The following TAF4 variants were observed in gnomAD, a reference collection of about 807,000 sequenced individuals.
TAF4 encodes the protein TATA-box binding protein associated factor 4.
Under a neutral mutation model 90.3 loss-of-function variants are expected in TAF4, and 9 were observed. The ratio of observed to expected loss-of-function variants is 0.10; its 90% CI spans 0.06 to 0.17. The LOEUF (loss-of-function observed/expected upper bound fraction) is 0.17, where lower values mean the gene tolerates loss of function less well. Ranked by LOEUF, TAF4 falls within the 10% of genes least tolerant of loss-of-function variation. The pLI is 1.00. For missense variants in TAF4, 1,351 were observed against 1,370.7 expected (o/e 0.99, Z 0.23); for synonymous variants, 818 against 638.9 (o/e 1.28, Z -4.23).
chr20:62,035,771 G>A (rs955069218), intron 1 of TAF4, among the ~76,000 whole-genome samples: 1 of 152,120 alleles, frequency 6.6e-6, no homozygotes, highest in Non-Finnish European at 1.5e-5. Context: ...GAAAAGATCA[G>A]ATATAAACTG....
chr20:62,056,864 T>C (rs2056067458), intron 1 of TAF4, among the ~76,000 whole-genome samples: 1 of 152,224 alleles, frequency 6.6e-6, no homozygotes, highest in Non-Finnish European at 1.5e-5. Context: ...TTTTTTACAC[T>C]TACAGTTACA....
At position 62,048,817 on chromosome 20, in the gene TAF4, C is replaced by G. The variant is rs534113120; in HGVS notation, c.1360+15634G>C. ...CACCTCAGTCACCAAGCTCCGTACA[C>G]CCCAAGCTCCGTACACCCCCACCCC... On this transcript the variant is annotated intron_variant, in intron 1 of 14. Coordinates refer to ENST00000252996, the MANE Select transcript of TAF4 (RefSeq NM_003185.4). 4.8e-4 allele frequency among the ~76,000 whole-genome samples: 72 copies of G among 149,366 alleles called. 2 individuals are homozygous for G. The South Asian group carries it at 0.015, about 31-fold the overall frequency.
chr20:62,006,574 G>T lies in TAF4; in HGVS notation c.2159C>A (p.Pro720His). 1 of 1,593,114 alleles carries T rather than the reference G, an allele frequency of 6.3e-7. No homozygotes were observed. The highest frequency in any genetic ancestry group is 1.1e-5 in the South Asian group (1 of 89,072). ...AATVTSALQP[P>H]VLSLTQPTQV... ...CGTGGGCTGCGTGAGGCTGAGCACA[G>T]GGGGCTGGAGGGCACTGGTCACGGT... Residue 720 changes from proline (P) to histidine (H), a missense_variant, in exon 7 of 15, where the codon CCT (proline) becomes CAT (histidine). By Grantham distance (77) the Pro-to-His change is moderately conservative. Around this residue, in one of 9 missense-constraint regions of TAF4, gnomAD observed 202 missense variants for 229.7 expected, o/e 0.88. Transcript: ENST00000252996. This position sits in a 1 kb window ranked among gnomAD's most constrained non-coding sequence, Gnocchi z 7.0.
intron 4 of TAF4, among the ~76,000 whole-genome samples, chr20:62,009,627 C>T (rs1228755383): frequency 1.3e-5 from 2 of 152,234 alleles, no homozygotes; most frequent in African/African-American, 4.8e-5. Context: ...TACAGGCCGA[C>T]ACTGTGTGTA....
chr20:62,013,067 T>C lies in TAF4; in HGVS notation c.1522-133A>G, dbSNP rs531872866. 17 of 1,287,448 alleles carry C rather than the reference T, an allele frequency of 1.3e-5. No individual in the cohort carries two copies. In the South Asian group the frequency reaches 2.5e-4, roughly 19 times the overall value. 79.8% of individuals were successfully genotyped at this position (1,287,448 alleles called of 1,614,324 possible). On this transcript the variant is annotated intron_variant, in intron 2 of 14. Coordinates refer to ENST00000252996, the MANE Select transcript of TAF4 (RefSeq NM_003185.4). Reference sequence around the variant, plus strand: ...TCCCAGGCTTATCCGTGATCTGCAATGAAGCCACTGTAATTCTAAAGTTTT... The same window carrying C: ...TCCCAGGCTTATCCGTGATCTGCAACGAAGCCACTGTAATTCTAAAGTTTT...
chr20:62,052,691 C>T (rs374588649), intron 1 of TAF4, among the ~76,000 whole-genome samples: 46 of 151,424 alleles, frequency 3.0e-4, no homozygotes, highest in African/African-American at 9.7e-4. Context: ...TGCAGGCTCA[C>T]GCTCCAGGTG....
At chr20:62,012,614 A>AG in intron 3 of TAF4, 1 of 674,778 alleles carries the variant, frequency 1.5e-6, no homozygotes, top group East Asian at 3.3e-5. Flanking sequence ...AAAAAAGAAA[A>AG]AAGAAAAAAA....
intron 1 of TAF4, among the ~76,000 whole-genome samples, chr20:62,046,761 T>C (rs1288849933): frequency 6.6e-6 from 1 of 152,140 alleles, no homozygotes; most frequent in Non-Finnish European, 1.5e-5. Context: ...ACTCCAGCTG[T>C]TTTTAGGTGG....
chr20:62,034,660 TAGC>T (rs1178818140), intron 1 of TAF4, among the ~76,000 whole-genome samples: 3 of 151,878 alleles, frequency 2.0e-5, no homozygotes, highest in Non-Finnish European at 4.4e-5. Context: ...ATACTTAAAA[TAGC>T]AGCAATGAAC....
intron 1 of TAF4, among the ~76,000 whole-genome samples, chr20:62,043,060 G>A (rs561497747): frequency 2.6e-5 from 4 of 152,320 alleles, no homozygotes; most frequent in Middle Eastern, 3.4e-3. Flanking sequence ...GGTGGCACAC[G>A]TCTGTAAACC....
chr20:61,976,210 C>T lies in TAF4; in HGVS notation c.3216G>A (p.Glu1072=). 1.2e-6 allele frequency: 2 copies of T among 1,614,096 alleles called. 1 individual carries two copies. The highest frequency in any genetic ancestry group is 2.2e-5 in the South Asian group (2 of 91,088). ...TGTAGAGCAGCAGTGAATGGCTTGT[C>T]TCACGTTCATTTTCTAAACAAAATA... ...DLIFCLENER[E]TSHSLLLYKA... The change falls in exon 15 of 15, where the codon GAG becomes GAA. Residue 1072 remains glutamate (E), a synonymous_variant. Transcript: ENST00000252996.
At chr20:62,012,537 G>A in intron 3 of TAF4, 1 of 317,378 alleles carries the variant, frequency 3.2e-6, no homozygotes, top group Non-Finnish European at 5.6e-6. Context: ...TAAGGACATA[G>A]TTTTAATGCT....
chr20:62,005,168 C>A (rs555845948), intron 7 of TAF4: 4 of 152,220 alleles, frequency 2.6e-5, no homozygotes, highest in Non-Finnish European at 5.9e-5. Context: ...CCAGGCCCTG[C>A]GGCGCAGGGA....
chr20:62,016,306 T>C (rs1038671624), intron 1 of TAF4, among the ~76,000 whole-genome samples: 1 of 152,206 alleles, frequency 6.6e-6, no homozygotes, highest in Non-Finnish European at 1.5e-5. Context: ...CTGGGTGTGT[T>C]TGTGAGGGTG....
intron 14 of TAF4, among the ~76,000 whole-genome samples, chr20:61,979,714 T>C (rs868640417): frequency 0.014 from 1,142 of 80,832 alleles, no homozygotes; most frequent in Middle Eastern, 0.11. Context: ...AGAGGGACTG[T>C]GGCCCGTGCA....
intron 1 of TAF4, among the ~76,000 whole-genome samples, chr20:62,031,103 G>A (rs1039541677): frequency 2.6e-5 from 4 of 152,194 alleles, no homozygotes; most frequent in Non-Finnish European, 5.9e-5. Context: ...TTCTGCCTTC[G>A]TGAAGCCTTC....
chr20:62,064,797 C>CGGCGCCGCA lies in TAF4; in HGVS notation c.1005_1013dup (p.Ala337_Ala339dup). The CGGCGCCGCA allele has an allele frequency of 9.8e-7, 1 of 1,020,886 alleles. No homozygotes were observed. Among genetic ancestry groups the CGGCGCCGCA allele is most frequent in the Non-Finnish European group, 1.2e-6 (1 of 855,608 alleles). The allele number at this position is 1,020,886 out of a possible 1,614,324, so 63.2% of individuals were successfully genotyped here. ...GCGACTCGGCCTTGACCCCCGGCGC[C>CGGCGCCGCA]GGCGCCGCAGCCGCCGCGCCGGGCC... On this transcript the variant is annotated inframe_insertion, in exon 1 of 15. Coordinates refer to ENST00000252996, the MANE Select transcript of TAF4 (RefSeq NM_003185.4).
At chr20:62,001,392 CCT>C (rs2055701940) in intron 9 of TAF4, among the ~76,000 whole-genome samples, 2 of 152,252 alleles carry the variant, frequency 1.3e-5, no homozygotes, top group Admixed American at 6.5e-5. Context: ...CTGGGCTGCC[CCT>C]GACACCTGGA....
At chr20:62,048,993 C>T (rs1243585392) in intron 1 of TAF4, among the ~76,000 whole-genome samples, 7 of 148,882 alleles carry the variant, frequency 4.7e-5, no homozygotes, top group Non-Finnish European at 1.0e-4. Flanking sequence ...CCCCCTGGGC[C>T]CTCTCCCCAC....
Sources: gnomAD v4.1 joint callset for allele counts (sites outside exome capture counted in the v4.1 genomes callset) on GRCh38, gnomAD v4.1.1 for gene constraint, gnomAD v4.1.1 regional missense constraint, Gnocchi (gnomAD v3.1) non-coding constraint, MANE v1.5 for transcripts, NCBI Gene and HGNC (gene_info 2026-07-23, HGNC 2026-07-21) for gene names.